The following FGF11 variants were observed in gnomAD, a reference collection of about 807,000 sequenced individuals.
The protein encoded by FGF11 is fibroblast growth factor homologous factor 3.
Under a neutral mutation model 25.1 loss-of-function variants are expected in FGF11, and 25 were observed. The observed-to-expected ratio is 1.00, with a 90% CI of 0.73 to 1.39. The LOEUF (loss-of-function observed/expected upper bound fraction) is 1.39. Ranked by LOEUF, FGF11 falls within the 40% of genes most tolerant of loss-of-function variation. The pLI, the probability that FGF11 is intolerant of heterozygous loss-of-function variation, is 0.00. For missense variants in FGF11, 320 were observed against 311.0 expected, an observed-to-expected ratio of 1.03 and a Z score of -0.22; for synonymous variants, 130 against 128.9, an observed-to-expected ratio of 1.01 and a Z score of -0.06.
intron 3 of FGF11, 22 bp downstream of exon 3, chr17:7,441,901 G>T (rs1567674511): frequency 1.3e-6 from 2 of 1,527,632 alleles, no homozygotes; most frequent in African/African-American, 2.8e-5. Flanking sequence ...AGGCTGAGTG[G>T]CCGGGAAATA....
Position 7,440,998 on chromosome 17 carries a change from C to A in FGF11, c.194-473C>A. The A allele has an allele frequency of 1.0e-6, 1 of 992,618 alleles. No homozygotes were observed. The highest frequency in any genetic ancestry group is 1.2e-6 in the Non-Finnish European group (1 of 828,834). 61.5% of individuals were successfully genotyped at this position (992,618 alleles called of 1,614,324 possible). On this transcript the variant is annotated intron_variant, in intron 1 of 4. Coordinates refer to ENST00000293829, the MANE Select transcript of FGF11 (RefSeq NM_004112.4). The surrounding 1 kb of genome is among the most constrained non-coding windows in gnomAD (Gnocchi z 5.4). ...GCTCTCGCCAAGCTAGCGGCAGCCGCAGCAGGTGCTGAGTCAGCGTCAGGC... is the reference window on the plus strand; with the variant it reads ...GCTCTCGCCAAGCTAGCGGCAGCCGAAGCAGGTGCTGAGTCAGCGTCAGGC...
chr17:7,442,596 G>T lies in FGF11; in HGVS notation c.411G>T (p.Pro137=). The T allele has an allele frequency of 4.3e-6, 7 of 1,614,058 alleles. No individual in the cohort carries two copies. Among genetic ancestry groups the T allele is most frequent in the African/African-American group, 1.3e-5 (1 of 75,022 alleles). Residue 137 remains proline, a splice_region_variant and synonymous_variant, in exon 4 of 5, where the codon CCG becomes CCT. Coordinates refer to ENST00000293829, the MANE Select transcript of FGF11 (RefSeq NM_004112.4). ...MNAEGLLYSS[P]HFTAECRFKE... is the part of the protein sequence containing the mutation. The stretch of plus-strand genomic sequence containing the variant: ...TTTCTGGGTCTTTGTCTCCTTAGCC[G>T]CATTTCACAGCTGAGTGTCGCTTTA...
chr17:7,441,111 C>A, intron 1 of FGF11: 1 of 307,354 alleles, frequency 3.3e-6, no homozygotes, highest in Non-Finnish European at 5.5e-6. Flanking sequence ...AAACACGCTG[C>A]CCCTTCAGTA....
At chr17:7,442,944 C>T (rs538330722) in intron 4 of FGF11, 132 bp from the exon 5 acceptor site, 535 of 1,144,348 alleles carry the variant, frequency 4.7e-4, no homozygotes, top group Non-Finnish European at 6.5e-4. Context: ...GGTTTGGGTG[C>T]GGTCCTCCTG....
chr17:7,442,204 A>T (rs1908361524), intron 3 of FGF11: 2 of 346,868 alleles, frequency 5.8e-6, no homozygotes, highest in South Asian at 8.7e-5. Flanking sequence ...GATAGGGGAT[A>T]GTGAGAGACT....
Position 7,442,719 on chromosome 17 carries a change from G to C in FGF11, c.534G>C (p.Glu178Asp). 6.2e-7 allele frequency: 1 copy of C among 1,614,124 alleles called. No homozygotes were observed. ...GRAWYLGLDK[E>D]GQVMKGNRVK... ...CCTGGTACCTCGGCCTGGACAAGGA[G>C]GGCCAGGTCATGAAGGGAAACCGAG... The change falls in exon 4 of 5, where the codon GAG becomes GAC. Residue 178 changes from glutamate (E) to aspartate (D), a missense_variant. Transcript: ENST00000293829.
chr17:7,439,687 C>T lies in FGF11; in HGVS notation c.67C>T (p.Pro23Ser). The T allele has an allele frequency of 1.3e-6, 2 of 1,549,670 alleles. No homozygotes were observed. The highest frequency in any genetic ancestry group is 1.4e-5 in the African/African-American group (1 of 70,424). The change falls in exon 1 of 5, where the codon CCG becomes TCG. Residue 23 changes from proline (P) to serine (S), a missense_variant. Coordinates refer to ENST00000293829, the MANE Select transcript of FGF11 (RefSeq NM_004112.4). ...REVREPGGSR[P>S]VSAQRRVCPR... ...GGTCCGCGAGCCCGGGGGCAGCCGG[C>T]CGGTGTCGGCGCAGCGGCGCGTGTG...
chr17:7,440,446 G>A lies in FGF11; in HGVS notation c.193+633G>A, dbSNP rs544865685. The A allele has an allele frequency of 2.3e-4, 36 of 156,812 alleles. No individual in the cohort carries two copies. The highest frequency in any genetic ancestry group is 2.2e-3 in the Admixed American group (34 of 15,258). The allele number at this position is 156,812 out of a possible 1,614,324, so 9.7% of individuals were successfully genotyped here. A position where few individuals can be genotyped will look rare whatever the true frequency, so the allele number is the denominator to read the frequency against. The stretch of plus-strand genomic sequence containing the variant: ...TAACCCCCGCGCCACTCCGAAATCG[G>A]GTCCCGTAGGCTCAGGGGACCCTAC... On this transcript the variant is annotated intron_variant, in intron 1 of 4. Transcript: ENST00000293829. The surrounding 1 kb of genome is among the most constrained non-coding windows in gnomAD (Gnocchi z 5.4).
chr17:7,442,767 C>T lies in FGF11; in HGVS notation c.582C>T (p.Ala194=), dbSNP rs564791961. ...GAGTTAAGAAGACCAAGGCAGCTGC[C>T]CACTTTCTGCCCAAGCTCCTGGAGG... ...GNRVKKTKAA[A]HFLPKLLEVA... is the part of the protein sequence containing the mutation. The change falls in exon 4 of 5, where the codon GCC becomes GCT. Residue 194 remains alanine (A), a synonymous_variant. Coordinates refer to ENST00000293829, the MANE Select transcript of FGF11 (RefSeq NM_004112.4). The T allele has an allele frequency of 6.2e-7, 1 of 1,613,992 alleles. No homozygotes were observed. The highest frequency in any genetic ancestry group is 1.1e-5 in the South Asian group (1 of 91,058).
intron 3 of FGF11, chr17:7,442,328 T>G: frequency 1.2e-6 from 1 of 837,068 alleles, no homozygotes; most frequent in South Asian, 2.1e-5. Flanking sequence ...GGTCTGGAAC[T>G]CCTGACCTCA....
chr17:7,439,583 G>A lies in FGF11; in HGVS notation c.-38G>A, dbSNP rs561289676. 20 of 1,379,934 alleles carry A rather than the reference G, an allele frequency of 1.4e-5. No individual in the cohort carries two copies. Among genetic ancestry groups the A allele is most frequent in the Non-Finnish European group, 1.8e-5 (19 of 1,074,902 alleles). 85.5% of individuals were successfully genotyped at this position (1,379,934 alleles called of 1,614,324 possible). A position where few individuals can be genotyped will look rare whatever the true frequency, so the allele number is the denominator to read the frequency against. ...TCTGGGGGAGCCCAGCGCGCTCCGG[G>A]CGCCTGCCGGTTTGGGGGTGTCTCC... On this transcript the variant is annotated 5_prime_UTR_variant, in exon 1 of 5. Transcript: ENST00000293829.
At position 7,440,844 on chromosome 17, in the gene FGF11, T is replaced by A; in HGVS notation, c.194-627T>A. On this transcript the variant is annotated intron_variant, in intron 1 of 4. Transcript: ENST00000293829. This position sits in a 1 kb window ranked among gnomAD's most constrained non-coding sequence, Gnocchi z 5.4. ...AAGGTCCCCCTTACCCCAGGCGAGT[T>A]ACCTGGCCGAAGGGGAGAGGCTGAG... 1 of 988,354 alleles carries A rather than the reference T, an allele frequency of 1.0e-6. No homozygotes were observed. Among genetic ancestry groups the A allele is most frequent in the African/African-American group, 1.7e-5 (1 of 57,300 alleles). 61.2% of individuals were successfully genotyped at this position (988,354 alleles called of 1,614,324 possible). A position where few individuals can be genotyped will look rare whatever the true frequency, so the allele number is the denominator to read the frequency against.
In FGF11 at chr17:7,439,776, G is replaced by A. The variant is rs759274845; in HGVS notation, c.156G>A (p.Leu52=). 1 of 1,500,016 alleles carries A rather than the reference G, an allele frequency of 6.7e-7. No individual in the cohort carries two copies. The highest frequency in any genetic ancestry group is 8.8e-7 in the Non-Finnish European group (1 of 1,132,104). 92.9% of individuals were successfully genotyped at this position (1,500,016 alleles called of 1,614,324 possible). Residue 52 remains leucine (L), a synonymous_variant, in exon 1 of 5, where the codon CTG becomes CTA. Transcript: ENST00000293829. ...TCATCCTGCTGTCCAAGGTGCGACT[G>A]TGCGGGGGGCGGCCCGCGCGGCCGG... ...QLLILLSKVR[L]CGGRPARPDR...
chr17:7,439,897 C>A, intron 1 of FGF11, 84 bp downstream of exon 1: 1 of 1,174,970 alleles, frequency 8.5e-7, no homozygotes, highest in Non-Finnish European at 1.1e-6. Context: ...GAATAGGGCC[C>A]GGCTGAGGGG....
At position 7,440,799 on chromosome 17, in the gene FGF11, C is replaced by T; in HGVS notation, c.194-672C>T. The T allele has an allele frequency of 2.0e-6, 2 of 987,270 alleles. No individual in the cohort carries two copies. The highest frequency in any genetic ancestry group is 2.4e-6 in the Non-Finnish European group (2 of 831,224). The allele number at this position is 987,270 out of a possible 1,614,324, so 61.2% of individuals were successfully genotyped here. ...GCCTGCCTCTCCATCTCCTCAGCTC[C>T]CACCCCCCATATCCTTGGTAAGGTC... On this transcript the variant is annotated intron_variant, in intron 1 of 4. Coordinates refer to ENST00000293829, the MANE Select transcript of FGF11 (RefSeq NM_004112.4). This position sits in a 1 kb window ranked among gnomAD's most constrained non-coding sequence, Gnocchi z 5.4.
rs1022051062 is a variant in FGF11 at position 7,441,469 on chromosome 17, A to G, written c.194-2A>G. On this transcript the variant is annotated splice_acceptor_variant, in intron 1 of 4. Transcript: ENST00000293829. LOFTEE classifies it high-confidence loss of function. ...TTCAAAGATGAATGTCTCTCTCTCC[A>G]GAGCCTCAGCTCAAAGGCATCGTCA... is the stretch of plus-strand genomic sequence containing the variant. 6.2e-7 allele frequency: 1 copy of G among 1,614,138 alleles called. No individual in the cohort carries two copies. The highest frequency in any genetic ancestry group is 1.1e-5 in the South Asian group (1 of 91,082).
Position 7,443,081 on chromosome 17 carries a change from A to G in FGF11, c.613A>G (p.Met205Val). 2 of 1,611,786 alleles carry G rather than the reference A, an allele frequency of 1.2e-6. No individual in the cohort carries two copies. The highest frequency in any genetic ancestry group is 1.3e-5 in the African/African-American group (1 of 74,912). Reference sequence around the variant, plus strand: ...TCTCTTTCTCCCCTTCACAGTGGCCATGTACCAGGAGCCTTCTCTCCACAG... The same window carrying G: ...TCTCTTTCTCCCCTTCACAGTGGCCGTGTACCAGGAGCCTTCTCTCCACAG... Reference protein sequence around the residue: ...HFLPKLLEVAMYQEPSLHSVP... With the variant: ...HFLPKLLEVAVYQEPSLHSVP... The change falls in exon 5 of 5, where the codon ATG (methionine) becomes GTG (valine). Residue 205 changes from methionine (M) to valine (V), a missense_variant. By Grantham distance (21) the Met-to-Val change is conservative (BLOSUM62 1). Coordinates refer to ENST00000293829, the MANE Select transcript of FGF11 (RefSeq NM_004112.4).
intron 2 of FGF11, 44 bp downstream of exon 2, chr17:7,441,625 G>C: frequency 6.2e-7 from 1 of 1,611,986 alleles, no homozygotes; most frequent in Non-Finnish European, 8.5e-7. Flanking sequence ...GGGAGAATGG[G>C]GACAGGAGAT....
At chr17:7,442,495 C>A in intron 3 of FGF11, 99 bp from the exon 4 acceptor site, 12 of 1,359,646 alleles carry the variant, frequency 8.8e-6, no homozygotes, top group South Asian at 1.3e-5. Flanking sequence ...CCCCCTCCCC[C>A]AAAAAGGATT....
Sources: gnomAD v4.1 joint callset for allele counts on GRCh38, gnomAD v4.1.1 for gene constraint, Gnocchi (gnomAD v3.1) non-coding constraint, MANE v1.5 for transcripts, NCBI Gene and HGNC (gene_info 2026-07-23, HGNC 2026-07-21) for gene names.